Variants in RANBP10 observed in about 807,000 individuals in gnomAD.
The protein encoded by RANBP10 is RAN binding protein 10.
In RANBP10, 24 loss-of-function variants were observed where a neutral mutation model predicts 72.8. The ratio of observed to expected loss-of-function variants is 0.33; its 90% CI spans 0.24 to 0.46. The LOEUF (loss-of-function observed/expected upper bound fraction) is 0.46, where lower values mean the gene tolerates loss of function less well. Among genes scored for constraint, RANBP10 ranks in the 20% least tolerant of loss-of-function variants. RANBP10 has a pLI of 1.00. For synonymous variants in RANBP10, 310 were observed against 322.3 expected (o/e 0.96, Z 0.41); for missense variants, 679 against 817.5 (o/e 0.83, Z 2.07).
Position 67,729,387 on chromosome 16 carries a change from GGAGGAC to G in RANBP10, c.1239_1244del (p.Ser421_Ser422del). On this transcript the variant is annotated inframe_deletion, in exon 10 of 14. Coordinates refer to ENST00000317506, the MANE Select transcript of RANBP10 (RefSeq NM_020850.3). This position sits in a 1 kb window ranked among gnomAD's most constrained non-coding sequence, Gnocchi z 7.1. ...ATGGGGAAGAGGACGAGGAGGAGGA[GGAGGAC>G]GAGGATGAGGAGCTGGGTGCAGGGT... 1 of 1,613,480 alleles carries G rather than the reference GGAGGAC, an allele frequency of 6.2e-7. No homozygotes were observed. Among genetic ancestry groups the G allele is most frequent in the Non-Finnish European group, 8.5e-7 (1 of 1,179,878 alleles).
chr16:67,788,117 G>A (rs1212230830), intron 2 of RANBP10, among the ~76,000 whole-genome samples: 8 of 150,888 alleles, frequency 5.3e-5, no homozygotes, highest in South Asian at 2.1e-4. Context: ...GATTACAGGC[G>A]TGAGCCTGTA....
chr16:67,749,225 G>C (rs920479956), intron 3 of RANBP10, among the ~76,000 whole-genome samples: 1 of 152,170 alleles, frequency 6.6e-6, no homozygotes, highest in Admixed American at 6.5e-5. Context: ...AAATCAGCGA[G>C]CACAAAGGAA....
intron 2 of RANBP10, among the ~76,000 whole-genome samples, chr16:67,785,239 A>G (rs1413354482): frequency 6.6e-6 from 1 of 151,952 alleles, no homozygotes; most frequent in African/African-American, 2.4e-5. Context: ...TAAAAAAGAA[A>G]GAAAGAAAGA....
At chr16:67,796,675 CT>C (rs1400320188) in intron 2 of RANBP10, among the ~76,000 whole-genome samples, 7 of 152,178 alleles carry the variant, frequency 4.6e-5, no homozygotes, top group Non-Finnish European at 1.0e-4. Flanking sequence ...CTTGCCACCC[CT>C]GACCTAAACT....
chr16:67,802,917 G>A (rs2055263364), intron 2 of RANBP10, among the ~76,000 whole-genome samples: 1 of 152,128 alleles, frequency 6.6e-6, no homozygotes, highest in Non-Finnish European at 1.5e-5. Context: ...CTTCCCTTCT[G>A]AAGTTGGTCT....
chr16:67,793,942 C>T (rs942635378), intron 2 of RANBP10, among the ~76,000 whole-genome samples: 2 of 151,904 alleles, frequency 1.3e-5, no homozygotes, highest in African/African-American at 4.8e-5. Context: ...TGCAGTAGCT[C>T]AATCATAGCT....
rs185998788 is a variant in RANBP10 at position 67,791,170 on chromosome 16, C to T, written c.347+14258G>A. Among the ~76,000 whole-genome samples the T allele has an allele frequency of 1.3e-3, 204 of 151,852 alleles. 3 individuals are homozygous for T. Among genetic ancestry groups the T allele is most frequent in the Middle Eastern group, 0.01 (3 of 292 alleles). The stretch of plus-strand genomic sequence containing the variant: ...CTGGGACTGTAGGCGTGTGCGACCA[C>T]GCCTGGCTAATTTTTTGTATCTTTA... On this transcript the variant is annotated intron_variant, in intron 2 of 13. Coordinates refer to ENST00000317506, the MANE Select transcript of RANBP10 (RefSeq NM_020850.3).
At chr16:67,793,461 G>A (rs1333080516) in intron 2 of RANBP10, among the ~76,000 whole-genome samples, 2 of 150,908 alleles carry the variant, frequency 1.3e-5, no homozygotes, top group African/African-American at 2.4e-5. Context: ...ACAGGTATAC[G>A]CCACCATGCC....
chr16:67,723,861 A>ACT lies in RANBP10; in HGVS notation c.*2565_*2566dup, dbSNP rs2053562409. 6.6e-6 allele frequency: 1 copy of ACT among 152,338 alleles called. No homozygotes were observed. Among genetic ancestry groups the ACT allele is most frequent in the South Asian group, 2.1e-4 (1 of 4,832 alleles). The allele number at this position is 152,338 out of a possible 1,614,324, so 9.4% of individuals were successfully genotyped here. ...CTGGCTGGCAGGCAGGCAGGCCTGG[A>ACT]CTCTCAGCAAGAGAGTGGGCTCAAG... On this transcript the variant is annotated 3_prime_UTR_variant, in exon 14 of 14. Coordinates refer to ENST00000317506, the MANE Select transcript of RANBP10 (RefSeq NM_020850.3).
chr16:67,774,473 A>G (rs1484310236), intron 2 of RANBP10, among the ~76,000 whole-genome samples: 1 of 152,208 alleles, frequency 6.6e-6, no homozygotes, highest in African/African-American at 2.4e-5. Context: ...TCCAGCAGCT[A>G]GCCCTCAACA....
intron 2 of RANBP10, among the ~76,000 whole-genome samples, chr16:67,785,104 C>T (rs928994559): frequency 1.3e-5 from 2 of 151,738 alleles, no homozygotes. Context: ...CCTAGCTACT[C>T]GGGAGGCTGA....
intron 6 of RANBP10, 98 bp from the exon 7 acceptor site, chr16:67,731,682 C>G: frequency 1.2e-6 from 1 of 806,992 alleles, no homozygotes; most frequent in Non-Finnish European, 2.0e-6. Flanking sequence ...AGAGGTCTCC[C>G]TAAACACGTC....
At chr16:67,748,299 T>A (rs1204811352) in intron 3 of RANBP10, among the ~76,000 whole-genome samples, 1 of 151,602 alleles carries the variant, frequency 6.6e-6, no homozygotes, top group Non-Finnish European at 1.5e-5. Flanking sequence ...GCAGGAGGAC[T>A]GCTTGAGCCC....
At chr16:67,769,853 C>T (rs188296990) in intron 3 of RANBP10, among the ~76,000 whole-genome samples, 572 of 149,702 alleles carry the variant, frequency 3.8e-3, no homozygotes, top group African/African-American at 0.014. Flanking sequence ...ACTGCTTGAA[C>T]GCAGCAGCTT....
rs895393611 is a variant in RANBP10 at position 67,728,427 on chromosome 16, G to C, written c.1437C>G (p.Tyr479Ter). The change falls in exon 11 of 14, where the codon TAC becomes TAG. Residue 479 changes from tyrosine to a stop codon, truncating the protein, a stop_gained. Coordinates refer to ENST00000317506, the MANE Select transcript of RANBP10 (RefSeq NM_020850.3). LOFTEE classifies it high-confidence loss of function. ...SMSTRIVNGA[Y>*]KHEDLQTDES... The stretch of plus-strand genomic sequence containing the variant: ...CATCCGTCTGCAGGTCCTCATGCTT[G>C]TAGGCACCATTAACAATGCGTGTGG... The C allele has an allele frequency of 6.2e-7, 1 of 1,614,048 alleles. No homozygotes were observed. Among genetic ancestry groups the C allele is most frequent in the Non-Finnish European group, 8.5e-7 (1 of 1,180,036 alleles).
intron 3 of RANBP10, among the ~76,000 whole-genome samples, chr16:67,755,527 T>C (rs2054270300): frequency 6.6e-6 from 1 of 151,650 alleles, no homozygotes; most frequent in Non-Finnish European, 1.5e-5. Flanking sequence ...CTACTAAACA[T>C]ACAAAAATTA....
At chr16:67,775,498 C>T (rs13339239) in intron 2 of RANBP10, among the ~76,000 whole-genome samples, 10,667 of 151,988 alleles carry the variant, frequency 0.07, 528 homozygotes, top group Middle Eastern at 0.19. Flanking sequence ...TATCTCTGTT[C>T]ACAGATGACA....
At chr16:67,759,247 C>T (rs551887910) in intron 3 of RANBP10, among the ~76,000 whole-genome samples, 17 of 152,274 alleles carry the variant, frequency 1.1e-4, no homozygotes, top group Middle Eastern at 3.4e-3. Context: ...TCTCTCGGAA[C>T]GAGAAACAAC....
chr16:67,767,524 G>C (rs2054527105), intron 3 of RANBP10, among the ~76,000 whole-genome samples: 1 of 150,440 alleles, frequency 6.6e-6, no homozygotes, highest in Non-Finnish European at 1.5e-5. Context: ...TACTTTAGGA[G>C]GCCTAGATGA....
Sources: allele counts gnomAD v4.1 joint callset (sites outside exome capture counted in the v4.1 genomes callset), GRCh38; gene constraint gnomAD v4.1.1; non-coding constraint Gnocchi (gnomAD v3.1); transcripts MANE v1.5; gene names NCBI Gene and HGNC (gene_info 2026-07-23, HGNC 2026-07-21).